Variants in CADM1 observed in about 807,000 individuals in gnomAD.
CADM1 encodes the protein cell adhesion molecule 1, also known as TSLC-1.
A neutral mutation model predicts 53.1 loss-of-function variants in CADM1; 15 were observed. The observed-to-expected ratio is 0.28, with a 90% confidence interval of 0.19 to 0.44. The LOEUF (loss-of-function observed/expected upper bound fraction) is 0.44, where lower values mean the gene tolerates loss of function less well. CADM1 is among the 20% of genes least tolerant of loss of function. The pLI is 1.00. For missense variants in CADM1, 434 were observed against 611.3 expected, an observed-to-expected ratio of 0.71 and a Z score of 3.06; for synonymous variants, 281 against 243.0, an observed-to-expected ratio of 1.16 and a Z score of -1.45.
chr11:115,284,114 C>CTG lies in CADM1; in HGVS notation c.125-43696_125-43695dup, dbSNP rs751286330. Among the ~76,000 whole-genome samples the CTG allele has an allele frequency of 7.9e-3, 777 of 98,666 alleles. 13 individuals are homozygous for CTG. The highest frequency in any genetic ancestry group is 0.028 in the South Asian group (86 of 3,090). The allele number at this position is 98,666 out of a possible 152,430, so 64.7% of individuals were successfully genotyped here. On this transcript the variant is annotated intron_variant, in intron 1 of 11. Coordinates refer to ENST00000331581, the MANE Select transcript of CADM1 (RefSeq NM_001301043.2). ...TCTCTCTCTCTCTCTCTCTCTCTCT[C>CTG]TGTGTGTGTGTGTGTGTGTGTGTGT... is the stretch of plus-strand genomic sequence containing the variant.
intron 9 of CADM1, among the ~76,000 whole-genome samples, chr11:115,198,010 A>T (rs1169887481): frequency 6.6e-6 from 1 of 152,196 alleles, no homozygotes; most frequent in Non-Finnish European, 1.5e-5. Context: ...CCTCTTCAAG[A>T]TTTACCTGGG....
At position 115,504,396 on chromosome 11, in the gene CADM1, T is replaced by G. The variant is rs1488480260; in HGVS notation, c.-2A>C. The G allele has an allele frequency of 6.5e-7, 1 of 1,545,384 alleles. No individual in the cohort carries two copies. Among genetic ancestry groups the G allele is most frequent in the Non-Finnish European group, 8.7e-7 (1 of 1,146,026 alleles). ...GCTCGGCAGCACTACACTCGCCATG[T>G]CGGGCACCTGCCTCAGACTGGCGGC... On this transcript the variant is annotated 5_prime_UTR_variant, in exon 1 of 12. Transcript: ENST00000331581.
At chr11:115,209,000 G>A (rs1221555163) in intron 8 of CADM1, among the ~76,000 whole-genome samples, 2 of 152,230 alleles carry the variant, frequency 1.3e-5, no homozygotes, top group African/African-American at 4.8e-5. Flanking sequence ...CGAGGGCAGG[G>A]AGGGGCACAT....
At chr11:115,349,980 T>G (rs2135055171) in intron 1 of CADM1, among the ~76,000 whole-genome samples, 1 of 152,314 alleles carries the variant, frequency 6.6e-6, no homozygotes, top group Non-Finnish European at 1.5e-5. Context: ...TTTTGTTTTT[T>G]GTTTTTTTGA....
rs1938982517 is a variant in CADM1 at position 115,175,424 on chromosome 11, G to C, written c.*1050C>G. Reference sequence around the variant, plus strand: ...GTCCCATTCAGTCATTCGCACAACAGACGAACTTGCTTTTTCCTACAAATT... The same window carrying C: ...GTCCCATTCAGTCATTCGCACAACACACGAACTTGCTTTTTCCTACAAATT... On this transcript the variant is annotated 3_prime_UTR_variant, in exon 12 of 12. Coordinates refer to ENST00000331581, the MANE Select transcript of CADM1 (RefSeq NM_001301043.2). 1.0e-6 allele frequency: 1 copy of C among 984,736 alleles called. No homozygotes were observed. The highest frequency in any genetic ancestry group is 4.7e-5 in the South Asian group (1 of 21,256). The allele number at this position is 984,736 out of a possible 1,614,324, so 61.0% of individuals were successfully genotyped here.
intron 1 of CADM1, among the ~76,000 whole-genome samples, chr11:115,403,972 T>C (rs1947231007): frequency 1.3e-5 from 2 of 151,762 alleles, no homozygotes; most frequent in Admixed American, 1.3e-4. Flanking sequence ...AAAAAAAAAG[T>C]ATTTTTTTAT....
intron 1 of CADM1, among the ~76,000 whole-genome samples, chr11:115,394,987 C>T (rs1176052783): frequency 1.3e-5 from 2 of 152,058 alleles, no homozygotes; most frequent in African/African-American, 4.8e-5. Flanking sequence ...TGAGACTTGG[C>T]ATAAAGTAGG....
At chr11:115,438,792 C>T (rs1475193960) in intron 1 of CADM1, among the ~76,000 whole-genome samples, 2 of 151,266 alleles carry the variant, frequency 1.3e-5, no homozygotes, top group African/African-American at 2.4e-5. Context: ...GGTAAGTATC[C>T]ACCTCATTTC....
At chr11:115,466,092 G>C (rs559325511) in intron 1 of CADM1, among the ~76,000 whole-genome samples, 4 of 151,982 alleles carry the variant, frequency 2.6e-5, no homozygotes, top group South Asian at 2.1e-4. Flanking sequence ...GTAAAGACAT[G>C]ATGAGCCAAA....
chr11:115,491,275 GA>G (rs1371389532), intron 1 of CADM1, among the ~76,000 whole-genome samples: 1 of 151,496 alleles, frequency 6.6e-6, no homozygotes, highest in Admixed American at 6.6e-5. Flanking sequence ...TGAATTAAAA[GA>G]AAAAAAAGGC....
At chr11:115,390,111 G>A (rs1417134122) in intron 1 of CADM1, among the ~76,000 whole-genome samples, 2 of 152,224 alleles carry the variant, frequency 1.3e-5, no homozygotes, top group African/African-American at 2.4e-5. Flanking sequence ...TGGGATTACT[G>A]TGTACCCTCC....
chr11:115,329,996 TAGGGTCTGGGGTTTATATGGGTAC>T (rs900956469), intron 1 of CADM1, among the ~76,000 whole-genome samples: 1 of 150,448 alleles, frequency 6.6e-6, no homozygotes, highest in African/African-American at 2.4e-5. Context: ...TTGTGGAGCC[TAGGGTCTGGGGTTTATATGGGTAC>T]AGGATAGAGG....
intron 1 of CADM1, among the ~76,000 whole-genome samples, chr11:115,302,048 C>T (rs892170033): frequency 6.6e-6 from 1 of 151,966 alleles, no homozygotes; most frequent in Non-Finnish European, 1.5e-5. Context: ...CAGACACACA[C>T]ACACATACAA....
intron 1 of CADM1, among the ~76,000 whole-genome samples, chr11:115,355,321 A>G (rs1945837343): frequency 6.6e-6 from 1 of 152,160 alleles, no homozygotes; most frequent in Non-Finnish European, 1.5e-5. Context: ...ACATGAATGG[A>G]GCTGGAGGCC....
chr11:115,285,751 C>A (rs1943713239), intron 1 of CADM1, among the ~76,000 whole-genome samples: 1 of 152,084 alleles, frequency 6.6e-6, no homozygotes, highest in African/African-American at 2.4e-5. Flanking sequence ...GGGGTTACAC[C>A]TGGAGCTTCT....
At chr11:115,451,757 G>A (rs1339656099) in intron 1 of CADM1, among the ~76,000 whole-genome samples, 1 of 152,052 alleles carries the variant, frequency 6.6e-6, no homozygotes, top group Non-Finnish European at 1.5e-5. Context: ...TATAAGAGGA[G>A]GTTCCTAACC....
intron 1 of CADM1, among the ~76,000 whole-genome samples, chr11:115,467,925 CTCT>C (rs1212106310): frequency 6.6e-6 from 1 of 152,212 alleles, no homozygotes; most frequent in African/African-American, 2.4e-5. Flanking sequence ...GTTTACATTT[CTCT>C]TCTTAACATT....
At chr11:115,299,411 T>C (rs777856548) in intron 1 of CADM1, among the ~76,000 whole-genome samples, 4 of 152,104 alleles carry the variant, frequency 2.6e-5, no homozygotes, top group South Asian at 2.1e-4. Context: ...TTGGTGAACA[T>C]GGTGTATGTA....
At chr11:115,494,828 T>G (rs554838572) in intron 1 of CADM1, among the ~76,000 whole-genome samples, 4 of 152,336 alleles carry the variant, frequency 2.6e-5, no homozygotes, top group Non-Finnish European at 5.9e-5. Context: ...TATATTATTT[T>G]ATTTTTGCCA....
Sources: allele counts gnomAD v4.1 joint callset (sites outside exome capture counted in the v4.1 genomes callset), GRCh38; gene constraint gnomAD v4.1.1; transcripts MANE v1.5; gene names NCBI Gene and HGNC (gene_info 2026-07-23, HGNC 2026-07-21).